The following FKBP5 variants were observed in gnomAD, a reference collection of about 807,000 sequenced individuals.
FKBP5 encodes the protein peptidyl-prolyl cis-trans isomerase FKBP5.
In FKBP5, 23 loss-of-function variants were observed where a neutral mutation model predicts 50.5. That is an observed-to-expected ratio of 0.46 (90% CI 0.33 to 0.65). The LOEUF is 0.65. FKBP5 is among the 30% of genes least tolerant of loss of function. FKBP5 has a pLI of 0.02. For synonymous variants in FKBP5, 176 were observed against 190.6 expected (o/e 0.92, Z 0.63); for missense variants, 411 against 553.1 (o/e 0.74, Z 2.58).
At chr6:35,583,001 C>T in intron 8 of FKBP5, 1 of 879,016 alleles carries the variant, frequency 1.1e-6, no homozygotes. Context: ...GCAGGAGGAT[C>T]TCTTAAGTCC....
chr6:35,591,493 A>AT (rs1762818389), intron 6 of FKBP5, among the ~76,000 whole-genome samples: 1 of 151,730 alleles, frequency 6.6e-6, no homozygotes, highest in Admixed American at 6.6e-5. Flanking sequence ...GATTCATGGG[A>AT]TTTTAAATGT....
At chr6:35,610,349 G>A (rs1368532811) in intron 5 of FKBP5, among the ~76,000 whole-genome samples, 9 of 151,984 alleles carry the variant, frequency 5.9e-5, no homozygotes, top group Admixed American at 2.0e-4. Context: ...GGTGGATCAC[G>A]AGGTCAGGAG....
chr6:35,644,507 GC>G (rs1764577191), intron 1 of FKBP5, among the ~76,000 whole-genome samples: 1 of 152,144 alleles, frequency 6.6e-6, no homozygotes, highest in African/African-American at 2.4e-5. Context: ...CAATTGTTGT[GC>G]CCCAAAATCT....
intron 8 of FKBP5, chr6:35,582,352 C>T: frequency 1.1e-6 from 1 of 929,490 alleles, no homozygotes; most frequent in Non-Finnish European, 1.3e-6. Flanking sequence ...AGCCCTCACC[C>T]CGAATGTGAT....
upstream of FKBP5, among the ~76,000 whole-genome samples, chr6:35,689,956 G>C (rs555230086): frequency 9.8e-5 from 15 of 152,300 alleles, no homozygotes; most frequent in Middle Eastern, 3.4e-3. Context: ...CTGGGCCTTA[G>C]GGAATCTCTA....
At chr6:35,591,089 A>ATTTTAAG (rs1186397155) in intron 7 of FKBP5, 41 bp downstream of exon 7, 1 of 1,328,316 alleles carries the variant, frequency 7.5e-7, no homozygotes, top group Non-Finnish European at 1.1e-6. Context: ...TGGATGGAGA[A>ATTTTAAG]GAAACCTACC....
At chr6:35,603,352 A>T (rs947412303) in intron 5 of FKBP5, among the ~76,000 whole-genome samples, 2 of 152,238 alleles carry the variant, frequency 1.3e-5, no homozygotes, top group African/African-American at 4.8e-5. Context: ...CTGTCAAAGT[A>T]TGAATAAAAT....
rs553794638 is a variant in FKBP5, at chr6:35,582,878, A to G, written c.841-2657T>C. 3 of 960,652 alleles carry G rather than the reference A, an allele frequency of 3.1e-6. No individual in the cohort carries two copies. The African/African-American group carries it at 5.3e-5, about 17-fold the overall frequency. 59.5% of individuals were successfully genotyped at this position (960,652 alleles called of 1,614,324 possible). On this transcript the variant is annotated intron_variant, in intron 8 of 10. Transcript: ENST00000357266. ...GGTTTAGCACCAAGAGGTCTTTAAT[A>G]AAGGTTTGTTGAGTAAATATTGAAA...
intron 1 of FKBP5, among the ~76,000 whole-genome samples, chr6:35,675,118 C>A (rs1490361873): frequency 6.6e-6 from 1 of 152,252 alleles, no homozygotes; most frequent in African/African-American, 2.4e-5. Flanking sequence ...ATCCTCACAA[C>A]AACCTTGAGG....
intron 1 of FKBP5, among the ~76,000 whole-genome samples, chr6:35,653,731 T>C: frequency 6.6e-6 from 1 of 152,124 alleles, no homozygotes; most frequent in East Asian, 1.9e-4. Flanking sequence ...CATCAGTATA[T>C]CCATATTAAA....
chr6:35,645,188 C>G (rs1340192212), intron 1 of FKBP5, among the ~76,000 whole-genome samples: 1 of 152,154 alleles, frequency 6.6e-6, no homozygotes, highest in African/African-American at 2.4e-5. Context: ...AATGTTTAAC[C>G]TGAAACTAAC....
At chr6:35,707,531 T>G (rs914314286) in intron 2 of FKBP5, among the ~76,000 whole-genome samples, 1 of 151,974 alleles carries the variant, frequency 6.6e-6, no homozygotes, top group African/African-American at 2.4e-5. Flanking sequence ...ATGAAAAGAC[T>G]TTTGACCTAA....
upstream of FKBP5, among the ~76,000 whole-genome samples, chr6:35,689,766 G>C (rs2151015287): frequency 6.6e-6 from 1 of 152,234 alleles, no homozygotes; most frequent in South Asian, 2.1e-4. Flanking sequence ...GAACCTGGGA[G>C]GCAGAGGTTG....
rs866751514 is a variant in FKBP5 at position 35,598,777 on chromosome 6, C to T, written c.509-1373G>A. On this transcript the variant is annotated intron_variant, in intron 5 of 10. Coordinates refer to ENST00000357266, the MANE Select transcript of FKBP5 (RefSeq NM_004117.4). ...CCTGAGGTCAGGAGTTTGAGACTAG[C>T]CTGGCCAACATGGCAAAACCCCATC... is the stretch of plus-strand genomic sequence containing the variant. Among the ~76,000 whole-genome samples, 29 of 151,840 alleles carry T rather than the reference C, an allele frequency of 1.9e-4. No homozygotes were observed. In the Middle Eastern group the frequency reaches 0.01, roughly 53 times the overall value.
chr6:35,700,496 G>A (rs535098876), intron 2 of FKBP5, among the ~76,000 whole-genome samples: 1 of 152,206 alleles, frequency 6.6e-6, no homozygotes, highest in South Asian at 2.1e-4. Context: ...GATTTGTCAG[G>A]GTATCCACCT....
chr6:35,699,525 C>T (rs115771451), intron 2 of FKBP5, among the ~76,000 whole-genome samples: 10 of 152,308 alleles, frequency 6.6e-5, no homozygotes, highest in African/African-American at 2.4e-4. Flanking sequence ...ATGTACAATA[C>T]ACTCACTGCT....
intron 1 of FKBP5, among the ~76,000 whole-genome samples, chr6:35,687,238 AAAT>A (rs1253025001): frequency 1.3e-5 from 2 of 152,250 alleles, no homozygotes; most frequent in Non-Finnish European, 2.9e-5. Context: ...TGTTTCTCAC[AAAT>A]AATGAGTATT....
At chr6:35,695,174 G>GT (rs1370749931) in intron 2 of FKBP5, among the ~76,000 whole-genome samples, 1 of 152,078 alleles carries the variant, frequency 6.6e-6, no homozygotes, top group East Asian at 1.9e-4. Flanking sequence ...TTTTTGTTTT[G>GT]TTTTTTCAAG....
chr6:35,639,086 A>G (rs1764405821), intron 2 of FKBP5, among the ~76,000 whole-genome samples: 1 of 152,166 alleles, frequency 6.6e-6, no homozygotes, highest in South Asian at 2.1e-4. Context: ...TTAAAATATA[A>G]ATCCATCTTT....
Sources: gnomAD v4.1 joint callset for allele counts (sites outside exome capture counted in the v4.1 genomes callset) on GRCh38, gnomAD v4.1.1 for gene constraint, MANE v1.5 for transcripts, NCBI Gene and HGNC (gene_info 2026-07-23, HGNC 2026-07-21) for gene names.